TAOK3: variants seen among roughly 807,000 people sequenced by gnomAD.
TAOK3 encodes the protein TAO kinase 3.
A neutral mutation model predicts 120.4 loss-of-function variants in TAOK3; 40 were observed. The observed-to-expected ratio is 0.33, with a 90% CI of 0.26 to 0.43. The LOEUF is 0.43. Among genes scored for constraint, TAOK3 ranks in the 20% least tolerant of loss-of-function variants. TAOK3 has a pLI of 1.00. For missense variants in TAOK3, 821 were observed against 1,112.1 expected (o/e 0.74, Z 3.72); for synonymous variants, 355 against 387.5 (o/e 0.92, Z 0.99).
chr12:118,250,695 G>C (rs918282126), intron 3 of TAOK3, among the ~76,000 whole-genome samples: 3 of 152,118 alleles, frequency 2.0e-5, no homozygotes, highest in Non-Finnish European at 2.9e-5. Flanking sequence ...TCTCCTCTAG[G>C]AGGATAGACA....
At chr12:118,337,697 T>TAA (rs2044424102) in intron 1 of TAOK3, among the ~76,000 whole-genome samples, 1 of 152,222 alleles carries the variant, frequency 6.6e-6, no homozygotes, top group South Asian at 2.1e-4. Flanking sequence ...TATAACATTC[T>TAA]TGAAATGACA....
intron 1 of TAOK3, among the ~76,000 whole-genome samples, chr12:118,362,846 C>A (rs563115869): frequency 6.6e-6 from 1 of 151,802 alleles, no homozygotes; most frequent in African/African-American, 2.4e-5. Flanking sequence ...GGCAAAACCC[C>A]GTCTCTACTA....
chr12:118,162,666 G>GA (rs901621431), intron 17 of TAOK3, among the ~76,000 whole-genome samples: 19 of 149,158 alleles, frequency 1.3e-4, no homozygotes, highest in South Asian at 6.4e-4. Context: ...GCATGTTGGG[G>GA]AAAAAAAAAC....
intron 17 of TAOK3, among the ~76,000 whole-genome samples, chr12:118,168,986 TTCC>T (rs1565885619): frequency 8.2e-5 from 11 of 134,738 alleles, no homozygotes; most frequent in Non-Finnish European, 1.6e-4. Flanking sequence ...CCTTCCTTCC[TTCC>T]TTCCTTCCTT....
chr12:118,231,108 C>T (rs956224331), intron 9 of TAOK3, among the ~76,000 whole-genome samples: 3 of 152,032 alleles, frequency 2.0e-5, no homozygotes, highest in African/African-American at 7.2e-5. Flanking sequence ...CACATATATA[C>T]GTTACCTTGG....
chr12:118,234,925 G>C (rs2039960113), intron 8 of TAOK3, among the ~76,000 whole-genome samples: 1 of 152,166 alleles, frequency 6.6e-6, no homozygotes, highest in Non-Finnish European at 1.5e-5. Flanking sequence ...ATTATGATGT[G>C]TAAGCAGTTG....
intron 1 of TAOK3, among the ~76,000 whole-genome samples, chr12:118,360,267 GAA>G (rs72492129): frequency 1.7e-5 from 2 of 115,034 alleles, no homozygotes; most frequent in Non-Finnish European, 1.8e-5. Flanking sequence ...TGTCTCAAAA[GAA>G]AAAAAAAAAA....
chr12:118,197,789 G>A (rs1451433355), intron 13 of TAOK3, among the ~76,000 whole-genome samples: 3 of 140,974 alleles, frequency 2.1e-5, no homozygotes, highest in Non-Finnish European at 3.0e-5. Flanking sequence ...CCAGGTTCAC[G>A]CCATTCTCCT....
At chr12:118,350,381 A>G (rs540067915) in intron 1 of TAOK3, among the ~76,000 whole-genome samples, 2 of 152,180 alleles carry the variant, frequency 1.3e-5, no homozygotes, top group South Asian at 4.1e-4. Flanking sequence ...ACACCCCTGT[A>G]AAGTCTATGT....
chr12:118,239,651 G>T (rs562600010), intron 5 of TAOK3, among the ~76,000 whole-genome samples: 13 of 152,180 alleles, frequency 8.5e-5, no homozygotes, highest in Non-Finnish European at 1.8e-4. Context: ...ACACGAGCCA[G>T]TAAAATCTAT....
At chr12:118,309,327 CA>C (rs771231916) in intron 1 of TAOK3, among the ~76,000 whole-genome samples, 12,665 of 71,112 alleles carry the variant, frequency 0.18, 340 homozygotes, top group Middle Eastern at 0.25. Context: ...AGACTGTCTC[CA>C]AAAAAAAAAA....
intron 17 of TAOK3, among the ~76,000 whole-genome samples, chr12:118,163,932 G>A (rs540943227): frequency 2.0e-5 from 3 of 152,008 alleles, no homozygotes; most frequent in Admixed American, 6.5e-5. Context: ...GGCTGGTCTC[G>A]AACTCCCGAT....
chr12:118,323,188 TA>T (rs2043795620), intron 1 of TAOK3, among the ~76,000 whole-genome samples: 1 of 152,100 alleles, frequency 6.6e-6, no homozygotes, highest in South Asian at 2.1e-4. Context: ...TATTGTGTAG[TA>T]AAACAAATTG....
At chr12:118,204,660 C>A (rs7298627) in intron 11 of TAOK3, among the ~76,000 whole-genome samples, 2 of 152,168 alleles carry the variant, frequency 1.3e-5, no homozygotes, top group Admixed American at 6.5e-5. Context: ...TTATAAAGAG[C>A]TAATCGGTTT....
chr12:118,298,104 AC>A (rs1442297198), intron 1 of TAOK3, among the ~76,000 whole-genome samples: 1 of 152,162 alleles, frequency 6.6e-6, no homozygotes, highest in Non-Finnish European at 1.5e-5. Flanking sequence ...ACAATTAGTT[AC>A]CAATTGGAGA....
chr12:118,176,331 A>G (rs1236906753), intron 16 of TAOK3, among the ~76,000 whole-genome samples: 1 of 152,096 alleles, frequency 6.6e-6, no homozygotes, highest in Non-Finnish European at 1.5e-5. Flanking sequence ...TGCAGCGAAG[A>G]GTGGGTTGAG....
At chr12:118,184,191 C>G (rs141675733) in intron 14 of TAOK3, among the ~76,000 whole-genome samples, 1 of 152,250 alleles carries the variant, frequency 6.6e-6, no homozygotes, top group Non-Finnish European at 1.5e-5. Context: ...CTAATATCAC[C>G]TTTCATTTGT....
At chr12:118,243,163 A>G (rs182164985) in intron 5 of TAOK3, among the ~76,000 whole-genome samples, 89 of 152,238 alleles carry the variant, frequency 5.8e-4, no homozygotes, top group South Asian at 2.5e-3. Flanking sequence ...ATAATTATAA[A>G]ATGATGTCAA....
At chr12:118,274,788 C>T (rs1308651172) in intron 1 of TAOK3, among the ~76,000 whole-genome samples, 4 of 151,702 alleles carry the variant, frequency 2.6e-5, no homozygotes, top group African/African-American at 7.3e-5. Flanking sequence ...GCGACCACAC[C>T]CTGTTAATTT....
Sources: allele counts gnomAD v4.1 joint callset (sites outside exome capture counted in the v4.1 genomes callset), GRCh38; gene constraint gnomAD v4.1.1; transcripts MANE v1.5; gene names NCBI Gene and HGNC (gene_info 2026-07-23, HGNC 2026-07-21).